Variants in RBFOX1 observed in about 807,000 individuals in gnomAD.
The protein encoded by RBFOX1 is RNA binding protein fox-1 homolog 1.
A neutral mutation model predicts 57.7 loss-of-function variants in RBFOX1; 8 were observed. The ratio of observed to expected loss-of-function variants is 0.14; its 90% confidence interval spans 0.08 to 0.25. The LOEUF is 0.25. RBFOX1 is among the 10% of genes least tolerant of loss of function. RBFOX1 has a pLI of 1.00. For synonymous variants in RBFOX1, 326 were observed against 222.4 expected (o/e 1.47, Z -4.15); for missense variants, 611 against 548.5 (o/e 1.11, Z -1.14).
intron 11 of RBFOX1, among the ~76,000 whole-genome samples, chr16:7,644,565 C>T (rs1352172049): frequency 6.6e-6 from 1 of 152,166 alleles, no homozygotes; most frequent in Non-Finnish European, 1.5e-5. Flanking sequence ...TGAGGATTGC[C>T]ACCCATTTTC....
rs34043490 is a variant in RBFOX1, at chr16:6,834,503, G to GATGAATGA, written c.-16+179872_-16+179879dup. Among the ~76,000 whole-genome samples, 614 of 150,474 alleles carry GATGAATGA rather than the reference G, an allele frequency of 4.1e-3. 1 individual carries two copies. The highest frequency in any genetic ancestry group is 7.2e-3 in the African/African-American group (294 of 40,834). On this transcript the variant is annotated intron_variant, in intron 3 of 15. Coordinates refer to ENST00000550418, the MANE Select transcript of RBFOX1 (RefSeq NM_018723.4). Reference sequence around the variant, plus strand: ...AGAAAGTACTCAGTAACTGTTTATTGATGAATGAATGAATGAATGAATGAA... The same window carrying GATGAATGA: ...AGAAAGTACTCAGTAACTGTTTATTGATGAATGAATGAATGAATGAATGAATGAATGAA...
chr16:6,596,961 G>T (rs2097782110), intron 2 of RBFOX1, among the ~76,000 whole-genome samples: 1 of 152,150 alleles, frequency 6.6e-6, no homozygotes, highest in Admixed American at 6.5e-5. Context: ...TCTGCCACTA[G>T]CACAGCTTTC....
chr16:7,438,807 C>G (rs1416103807), intron 4 of RBFOX1, among the ~76,000 whole-genome samples: 1 of 152,112 alleles, frequency 6.6e-6, no homozygotes, highest in Non-Finnish European at 1.5e-5. Flanking sequence ...CTTGATGGGC[C>G]CAGGCCCAAC....
At chr16:6,279,838 G>T (rs1319819232) in intron 1 of RBFOX1, among the ~76,000 whole-genome samples, 2 of 151,958 alleles carry the variant, frequency 1.3e-5, no homozygotes, top group South Asian at 2.1e-4. Context: ...TTCCCACTTG[G>T]CTGGGATCTG....
intron 4 of RBFOX1, among the ~76,000 whole-genome samples, chr16:7,378,438 T>A (rs2097725090): frequency 6.6e-6 from 1 of 152,174 alleles, no homozygotes; most frequent in South Asian, 2.1e-4. Flanking sequence ...GCGGAATCCA[T>A]TTCATCGCAG....
intron 1 of RBFOX1, among the ~76,000 whole-genome samples, chr16:5,315,108 T>C (rs1162415205): frequency 6.6e-6 from 1 of 152,134 alleles, no homozygotes; most frequent in African/African-American, 2.4e-5. Flanking sequence ...TGAATCATGA[T>C]GGAACCATTT....
chr16:5,458,556 C>T (rs1483106502), intron 1 of RBFOX1, among the ~76,000 whole-genome samples: 2 of 152,196 alleles, frequency 1.3e-5, no homozygotes, highest in Non-Finnish European at 1.5e-5. Context: ...TAGGTGAAAA[C>T]TGAGCCTCAA....
chr16:6,939,686 A>G (rs1275701313), intron 3 of RBFOX1, among the ~76,000 whole-genome samples: 1 of 151,688 alleles, frequency 6.6e-6, no homozygotes, highest in Non-Finnish European at 1.5e-5. Context: ...TAATTTTTGT[A>G]TCTTTGGTAG....
At chr16:6,907,894 A>C (rs1412056394) in intron 3 of RBFOX1, among the ~76,000 whole-genome samples, 3 of 151,700 alleles carry the variant, frequency 2.0e-5, no homozygotes, top group South Asian at 4.2e-4. Context: ...GTTGGCTGGC[A>C]GTCATGGGTG....
At chr16:6,478,465 A>G (rs2095319819) in intron 2 of RBFOX1, among the ~76,000 whole-genome samples, 1 of 124,434 alleles carries the variant, frequency 8.0e-6, no homozygotes, top group Non-Finnish European at 1.7e-5. Context: ...TAGTAGAGAC[A>G]GGGTTTCACC....
At chr16:5,966,248 C>A (rs1381988616) in intron 4 of RBFOX1, among the ~76,000 whole-genome samples, 1 of 152,094 alleles carries the variant, frequency 6.6e-6, no homozygotes, top group Non-Finnish European at 1.5e-5. Flanking sequence ...TCTTGTGCTG[C>A]TGTAAAGAAA....
Position 6,995,983 on chromosome 16 carries a change from A to G in RBFOX1, c.-15-56074A>G, listed in dbSNP as rs548078379. On this transcript the variant is annotated intron_variant, in intron 3 of 15. Coordinates refer to ENST00000550418, the MANE Select transcript of RBFOX1 (RefSeq NM_018723.4). The stretch of plus-strand genomic sequence containing the variant: ...TTCTAGTCCCTAATTACTTTTTCCC[A>G]TTGGAAGTATATTTATAGCATACAA... Among the ~76,000 whole-genome samples, 27 of 152,282 alleles carry G rather than the reference A, an allele frequency of 1.8e-4. No individual in the cohort carries two copies. The South Asian group carries it at 5.6e-3, about 32-fold the overall frequency.
At chr16:6,254,496 C>G (rs2097648160) in intron 1 of RBFOX1, among the ~76,000 whole-genome samples, 1 of 151,940 alleles carries the variant, frequency 6.6e-6, no homozygotes, top group Admixed American at 6.6e-5. Context: ...TGGTAATAAC[C>G]CTTGCTGAGT....
chr16:5,863,293 C>G (rs890833854), intron 3 of RBFOX1, among the ~76,000 whole-genome samples: 1 of 152,226 alleles, frequency 6.6e-6, no homozygotes, highest in African/African-American at 2.4e-5. Context: ...TCAAGAGAGT[C>G]CTGCTGGAAG....
intron 4 of RBFOX1, among the ~76,000 whole-genome samples, chr16:7,472,873 C>G (rs962437642): frequency 6.6e-6 from 1 of 152,134 alleles, no homozygotes. Flanking sequence ...TGGGATTTCT[C>G]TTATGTATGT....
At chr16:6,855,320 G>A (rs991862160) in intron 3 of RBFOX1, among the ~76,000 whole-genome samples, 2 of 152,028 alleles carry the variant, frequency 1.3e-5, no homozygotes, top group African/African-American at 4.8e-5. Flanking sequence ...GAAAAAGCAA[G>A]CAAAATTTTC....
intron 4 of RBFOX1, among the ~76,000 whole-genome samples, chr16:5,927,432 C>T (rs534610501): frequency 5.9e-5 from 9 of 152,250 alleles, no homozygotes; most frequent in African/African-American, 2.2e-4. Flanking sequence ...TAGGTATTAT[C>T]AAAAAGTCAA....
chr16:6,284,456 T>C (rs1262156567), intron 1 of RBFOX1, among the ~76,000 whole-genome samples: 1 of 152,140 alleles, frequency 6.6e-6, no homozygotes, highest in Admixed American at 6.5e-5. Context: ...ACAACCAGTG[T>C]TGAGGACAGC....
At chr16:6,094,211 T>C (rs544576712) in intron 1 of RBFOX1, among the ~76,000 whole-genome samples, 1 of 152,308 alleles carries the variant, frequency 6.6e-6, no homozygotes, top group East Asian at 1.9e-4. Context: ...TTTCCATGGA[T>C]GAGGAAGACC....
Sources: gnomAD v4.1 joint callset for allele counts (sites outside exome capture counted in the v4.1 genomes callset) on GRCh38, gnomAD v4.1.1 for gene constraint, MANE v1.5 for transcripts, NCBI Gene and HGNC (gene_info 2026-07-23, HGNC 2026-07-21) for gene names.